The following DSTYK variants were observed in gnomAD, a reference collection of about 807,000 sequenced individuals.
DSTYK encodes dual serine/threonine and tyrosine protein kinase.
In DSTYK, 34 loss-of-function variants were observed where a neutral mutation model predicts 98.7. The ratio of observed to expected loss-of-function variants is 0.34; its 90% confidence interval spans 0.26 to 0.46. DSTYK has a LOEUF of 0.46. DSTYK is among the 20% of genes least tolerant of loss of function. The probability of loss-of-function intolerance (pLI) is 1.00; values close to 1 mark genes in which losing one functional copy is unlikely to be tolerated. For synonymous variants in DSTYK, 462 were observed against 457.3 expected, an observed-to-expected ratio of 1.01 and a Z score of -0.13; for missense variants, 962 against 1,181.7, an observed-to-expected ratio of 0.81 and a Z score of 2.73.
Position 205,187,694 on chromosome 1 carries a change from C to T in DSTYK, c.378G>A (p.Gln126=), listed in dbSNP as rs772548291. 4 of 1,614,208 alleles carry T rather than the reference C, an allele frequency of 2.5e-6. No homozygotes were observed. The highest frequency in any genetic ancestry group is 3.4e-6 in the Non-Finnish European group (4 of 1,180,040). The change falls in exon 2 of 13, where the codon CAG becomes CAA. Residue 126 remains glutamine (Q), a synonymous_variant. Transcript: ENST00000367162. Reference sequence around the variant, plus strand: ...GCACCCCCAACAGCAGATTCAACAGCTGGCACTTGACGTTACAATCCTGGC... The same window carrying T: ...GCACCCCCAACAGCAGATTCAACAGTTGGCACTTGACGTTACAATCCTGGC... The part of the protein sequence containing the change: ...ILGQDCNVKC[Q]LLNLLLGVQV...
intron 10 of DSTYK, among the ~76,000 whole-genome samples, chr1:205,151,449 T>C (rs1657399588): frequency 6.6e-6 from 1 of 152,144 alleles, no homozygotes; most frequent in Non-Finnish European, 1.5e-5. Flanking sequence ...TGTATAGCTG[T>C]ACAAAAATAG....
chr1:205,166,414 G>A (rs774987640), intron 3 of DSTYK, among the ~76,000 whole-genome samples: 9 of 151,788 alleles, frequency 5.9e-5, no homozygotes, highest in Non-Finnish European at 1.2e-4. Context: ...CACTTTGTGG[G>A]GGCTGAAGCA....
Position 205,169,012 on chromosome 1 carries a change from CTAAA to C in DSTYK, c.1324+147_1324+150del. The C allele has an allele frequency of 1.5e-6, 1 of 663,880 alleles. No homozygotes were observed. The highest frequency in any genetic ancestry group is 2.1e-5 in the South Asian group (1 of 46,786). The allele number at this position is 663,880 out of a possible 1,614,324, so 41.1% of individuals were successfully genotyped here. A position where few individuals can be genotyped will look rare whatever the true frequency, so the allele number is the denominator to read the frequency against. On this transcript the variant is annotated intron_variant, in intron 3 of 12. Transcript: ENST00000367162. This position sits in a 1 kb window ranked among gnomAD's most constrained non-coding sequence, Gnocchi z 4.0. ...TTGAGAGCAAGAGAGGCCACCTTGG[CTAAA>C]TAGTGGGCTCCTGCTGGTAACAGTG...
intron 1 of DSTYK, among the ~76,000 whole-genome samples, chr1:205,201,345 T>A (rs1659031567): frequency 6.9e-6 from 1 of 144,690 alleles, no homozygotes; most frequent in African/African-American, 2.6e-5. Context: ...ATCTCAGGTA[T>A]CCCATAAATA....
chr1:205,173,317 C>G (rs553265583), intron 2 of DSTYK: 3 of 148,304 alleles, frequency 2.0e-5, no homozygotes, highest in Admixed American at 6.9e-5. Flanking sequence ...TTGCTTGAAC[C>G]GAGGAGACGG....
In DSTYK at chr1:205,187,473, T is replaced by C; in HGVS notation, c.599A>G (p.Asp200Gly). Residue 200 changes from aspartate to glycine, a missense_variant, in exon 2 of 13, where the codon GAT becomes GGT. By Grantham distance (94) the Asp-to-Gly change is moderately conservative. Transcript: ENST00000367162. ...EDLEVQENNE[D>G]AAHVLAELEV... ...CAGTTCCGCTAAAACATGAGCAGCA[T>C]CCTCATTGTTCTCTTGGACCTCCAG... is the stretch of plus-strand genomic sequence containing the variant. 1.9e-6 allele frequency: 3 copies of C among 1,614,196 alleles called. No homozygotes were observed. The highest frequency in any genetic ancestry group is 2.2e-5 in the East Asian group (1 of 44,892).
chr1:205,200,494 T>C (rs1243105571), intron 1 of DSTYK, among the ~76,000 whole-genome samples: 1 of 152,102 alleles, frequency 6.6e-6, no homozygotes, highest in Non-Finnish European at 1.5e-5. Context: ...TCCTTATCAA[T>C]GCCATTTAAT....
At chr1:205,190,550 A>C (rs577217393) in intron 1 of DSTYK, among the ~76,000 whole-genome samples, 2 of 132,550 alleles carry the variant, frequency 1.5e-5, no homozygotes, top group East Asian at 4.9e-4. Flanking sequence ...CGGGAAGCGG[A>C]GGTTGCAGTG....
At chr1:205,190,942 G>C (rs1448097631) in intron 1 of DSTYK, among the ~76,000 whole-genome samples, 7 of 152,204 alleles carry the variant, frequency 4.6e-5, no homozygotes, top group African/African-American at 1.7e-4. Context: ...TTTTCAGGAC[G>C]AGAGGGAGAG....
chr1:205,196,758 A>ATTTTTTTT (rs113524415), intron 1 of DSTYK, among the ~76,000 whole-genome samples: 1 of 109,862 alleles, frequency 9.1e-6, no homozygotes. Flanking sequence ...AAAATGGTGA[A>ATTTTTTTT]TTTTTTTTTT....
intron 2 of DSTYK, among the ~76,000 whole-genome samples, chr1:205,181,662 G>GTGTT (rs1269703302): frequency 2.8e-5 from 4 of 143,038 alleles, no homozygotes; most frequent in African/African-American, 1.2e-4. Context: ...GGGTTTGTGT[G>GTGTT]TGTGTGTGTG....
intron 1 of DSTYK, 29 bp downstream of exon 1, chr1:205,211,242 C>T (rs745648600): frequency 6.4e-6 from 10 of 1,574,758 alleles, no homozygotes; most frequent in Admixed American, 1.8e-5. Context: ...CCTCTCCTGC[C>T]CTCTCTCCCT....
At chr1:205,209,426 C>G (rs1325489877) in intron 1 of DSTYK, among the ~76,000 whole-genome samples, 1 of 152,106 alleles carries the variant, frequency 6.6e-6, no homozygotes, top group East Asian at 1.9e-4. Flanking sequence ...TACTGGTTCT[C>G]TCTACAAGTC....
At position 205,147,572 on chromosome 1, in the gene DSTYK, C is replaced by T. The variant is rs148542303; in HGVS notation, c.2776G>A (p.Asp926Asn). The change falls in exon 13 of 13, where the codon GAT becomes AAT. Residue 926 changes from aspartate (D) to asparagine (N), a missense_variant. Asp to Asn is a conservative substitution (Grantham distance 23). Transcript: ENST00000367162. Reference protein sequence around the residue: ...SNSEQPNRGLDDST With the variant: ...SNSEQPNRGLNDST ...GGTCTTTGCTTTCAAGTAGAATCAT[C>T]TAGTCCTCTGTTTGGCTGCTCAGAA... 1.9e-6 allele frequency: 3 copies of T among 1,610,102 alleles called. No homozygotes were observed. The Admixed American group carries it at 5.0e-5, about 27-fold the overall frequency.
In DSTYK at chr1:205,161,365, C is replaced by T. The variant is rs1432881954; in HGVS notation, c.1841G>A (p.Arg614Gln). Residue 614 changes from arginine (R) to glutamine (Q), a missense_variant, in exon 7 of 13, where the codon CGG becomes CAG. By Grantham distance (43) the Arg-to-Gln change is conservative (BLOSUM62 1). This residue lies in a region of DSTYK where 660 missense variants were observed against 855.0 expected (regional missense o/e 0.77). Coordinates refer to ENST00000367162, the MANE Select transcript of DSTYK (RefSeq NM_015375.3). ...LRQLEAGHSG[R>Q]LEKTEDLWLR... ...CCATAGATCTTCCGTTTTCTCTAAC[C>T]GGCCTGAGTGGCCAGCTTCCAGCTG... 6.2e-7 allele frequency: 1 copy of T among 1,614,132 alleles called. No homozygotes were observed. Among genetic ancestry groups the T allele is most frequent in the Non-Finnish European group, 8.5e-7 (1 of 1,179,978 alleles).
Position 205,187,648 on chromosome 1 carries a change from G to A in DSTYK, c.424C>T (p.Leu142=), listed in dbSNP as rs751749746. 1.2e-6 allele frequency: 2 copies of A among 1,614,214 alleles called. No homozygotes were observed. The highest frequency in any genetic ancestry group is 1.7e-6 in the Non-Finnish European group (2 of 1,180,048). ...LGVQVLPTTK[L]GSEESCKLRR... Reference sequence around the variant, plus strand: ...AGCTTACAGCTCTCCTCACTGCCCAGCTTGGTGGTGGGAAGCACCTGCACC... The same window carrying A: ...AGCTTACAGCTCTCCTCACTGCCCAACTTGGTGGTGGGAAGCACCTGCACC... The change falls in exon 2 of 13, where the codon CTG becomes TTG. Residue 142 remains leucine, a synonymous_variant. Coordinates refer to ENST00000367162, the MANE Select transcript of DSTYK (RefSeq NM_015375.3).
chr1:205,163,998 G>A (rs776326516), intron 3 of DSTYK, 43 bp from the exon 4 acceptor site: 1 of 1,531,824 alleles, frequency 6.5e-7, no homozygotes, highest in Non-Finnish European at 9.0e-7. Flanking sequence ...TGAGGAAGAA[G>A]GGGCAGACAC....
At position 205,156,209 on chromosome 1, in the gene DSTYK, G is replaced by T. The variant is rs140736663; in HGVS notation, c.2352+1064C>A. ...GATATGTGGGGTTGGAGCCCCCACA[G>T]AAAGTCCCCACTGGGACACTGCCTA... On this transcript the variant is annotated intron_variant, in intron 10 of 12. Coordinates refer to ENST00000367162, the MANE Select transcript of DSTYK (RefSeq NM_015375.3). 4.5e-4 allele frequency among the ~76,000 whole-genome samples: 69 copies of T among 152,350 alleles called. 1 individual carries two copies. In the East Asian group the frequency reaches 0.011, roughly 25 times the overall value.
chr1:205,211,348 C>T lies in DSTYK; in HGVS notation c.188G>A (p.Cys63Tyr), dbSNP rs1659371727. 1.3e-5 allele frequency: 21 copies of T among 1,612,116 alleles called. No homozygotes were observed. Among genetic ancestry groups the T allele is most frequent in the Non-Finnish European group, 1.7e-5 (20 of 1,179,266 alleles). Residue 63 changes from cysteine (C) to tyrosine (Y), a missense_variant, in exon 1 of 13, where the codon TGT becomes TAT. Around this residue, in one of 4 missense-constraint regions of DSTYK, gnomAD observed 168 missense variants for 120.0 expected, o/e 1.40. Transcript: ENST00000367162. ...RDIKCSHNHT[C>Y]LSSLTGGGGA... is the part of the protein sequence containing the mutation. The stretch of plus-strand genomic sequence containing the variant: ...GCCGCCGCCCGTGAGGGAGGAGAGA[C>T]AAGTGTGGTTGTGGGAGCACTTGAT...
Sources: gnomAD v4.1 joint callset for allele counts (sites outside exome capture counted in the v4.1 genomes callset) on GRCh38, gnomAD v4.1.1 for gene constraint, gnomAD v4.1.1 regional missense constraint, Gnocchi (gnomAD v3.1) non-coding constraint, MANE v1.5 for transcripts, NCBI Gene and HGNC (gene_info 2026-07-23, HGNC 2026-07-21) for gene names.